Variants in GLRX3 observed in about 807,000 individuals in gnomAD.
The protein encoded by GLRX3 is glutaredoxin 3.
In GLRX3, 22 loss-of-function variants were observed where a neutral mutation model predicts 49.5. The ratio of observed to expected loss-of-function variants is 0.44; its 90% CI spans 0.32 to 0.63. The LOEUF (loss-of-function observed/expected upper bound fraction) is 0.63. Among genes scored for constraint, GLRX3 ranks in the 30% least tolerant of loss-of-function variants. The pLI is 0.05. For missense variants in GLRX3, 385 were observed against 396.3 expected (o/e 0.97, Z 0.24); for synonymous variants, 133 against 140.0 (o/e 0.95, Z 0.35).
intron 2 of GLRX3, among the ~76,000 whole-genome samples, chr10:130,155,990 C>T (rs68037982): frequency 0.27 from 40,616 of 152,092 alleles, 5,444 homozygotes; most frequent in South Asian, 0.35. Flanking sequence ...GACAGGGCAG[C>T]AGCCATGAAG....
chr10:130,140,070 C>T (rs553548167), intron 1 of GLRX3, among the ~76,000 whole-genome samples: 2 of 152,288 alleles, frequency 1.3e-5, no homozygotes, highest in African/African-American at 4.8e-5. Flanking sequence ...CAGATATTTA[C>T]ATAAGTTGCT....
intron 2 of GLRX3, among the ~76,000 whole-genome samples, chr10:130,149,071 A>G (rs2134882002): frequency 6.6e-6 from 1 of 152,162 alleles, no homozygotes; most frequent in East Asian, 1.9e-4. Context: ...AAAAAAAATT[A>G]AAAAGTGCAT....
chr10:130,154,096 C>T (rs10829694), intron 2 of GLRX3, among the ~76,000 whole-genome samples: 32,111 of 152,214 alleles, frequency 0.21, 3,480 homozygotes, highest in Middle Eastern at 0.28. Flanking sequence ...CAGACTGCTG[C>T]GCTGGCAGCG....
intron 1 of GLRX3, among the ~76,000 whole-genome samples, 200 bp downstream of exon 1, chr10:130,136,712 G>T (rs2134859975): frequency 6.6e-6 from 1 of 152,278 alleles, no homozygotes; most frequent in Admixed American, 6.5e-5. Flanking sequence ...TCCCCGCCCC[G>T]GAACAGCGAG....
rs200216097 is a variant in GLRX3 at position 130,160,017 on chromosome 10, A to G, written c.224A>G (p.Glu75Gly). The change falls in exon 3 of 11, where the codon GAA (glutamate) becomes GGA (glycine). Residue 75 changes from glutamate (E) to glycine (G), a missense_variant. Glu to Gly is a moderately conservative substitution (Grantham distance 98). Transcript: ENST00000331244. ...AAGTTGGAAGCTGAAGGTGTTCCTG[A>G]AGTATCTGAAAAATATGAAATTAGC... Reference protein sequence around the residue: ...FVKLEAEGVPEVSEKYEISSV... With the variant: ...FVKLEAEGVPGVSEKYEISSV... 44 of 1,597,502 alleles carry G rather than the reference A, an allele frequency of 2.8e-5. No individual in the cohort carries two copies. The East Asian group carries it at 9.1e-4, about 33-fold the overall frequency.
intron 4 of GLRX3, among the ~76,000 whole-genome samples, chr10:130,161,568 C>T (rs146602500): frequency 7.9e-5 from 12 of 152,208 alleles, no homozygotes; most frequent in Admixed American, 3.3e-4. Flanking sequence ...GGAAAGATTC[C>T]GAATTCTTGG....
At chr10:130,153,995 TGCCTACTCAAGCCTCAGCAATG>T (rs1312980456) in intron 2 of GLRX3, among the ~76,000 whole-genome samples, 1 of 152,166 alleles carries the variant, frequency 6.6e-6, no homozygotes, top group Non-Finnish European at 1.5e-5. Flanking sequence ...AGCATAGAAC[TGCCTACTCAAGCCTCAGCAATG>T]GCCTACTCAA....
chr10:130,172,577 T>A (rs564813253), intron 8 of GLRX3, among the ~76,000 whole-genome samples: 40 of 152,252 alleles, frequency 2.6e-4, no homozygotes, highest in Non-Finnish European at 5.1e-4. Context: ...TTTCAAGTAA[T>A]CTTTGATATA....
chr10:130,157,875 A>G (rs1862506810), intron 2 of GLRX3, among the ~76,000 whole-genome samples: 2 of 152,110 alleles, frequency 1.3e-5, no homozygotes, highest in Non-Finnish European at 2.9e-5. Flanking sequence ...AAATATTTAT[A>G]TATTTATTTT....
In GLRX3 at chr10:130,166,497, T is replaced by C. The variant is rs1374886284; in HGVS notation, c.479-10T>C. 5.0e-6 allele frequency: 8 copies of C among 1,607,744 alleles called. No individual in the cohort carries two copies. The highest frequency in any genetic ancestry group is 6.8e-6 in the Non-Finnish European group (8 of 1,174,886). On this transcript the variant is annotated splice_polypyrimidine_tract_variant and intron_variant, in intron 4 of 10. Coordinates refer to ENST00000331244, the MANE Select transcript of GLRX3 (RefSeq NM_006541.5). ...GAAGTTAAGTGCTTTATTTCTTTTT[T>C]TGTGTACAGGTTTCAGCAAGCAGAT... is the stretch of plus-strand genomic sequence containing the variant.
intron 8 of GLRX3, among the ~76,000 whole-genome samples, chr10:130,172,889 G>A (rs946288074): frequency 2.6e-5 from 4 of 152,286 alleles, no homozygotes; most frequent in East Asian, 1.9e-4. Flanking sequence ...GTTTCAGTGA[G>A]CTGAAACCAC....
chr10:130,153,940 G>A (rs1009582269), intron 2 of GLRX3, among the ~76,000 whole-genome samples: 1 of 152,176 alleles, frequency 6.6e-6, no homozygotes, highest in Non-Finnish European at 1.5e-5. Flanking sequence ...AGCTGTGGTG[G>A]GCTTCACCCA....
chr10:130,159,805 T>C, intron 2 of GLRX3, 190 bp from the exon 3 acceptor site: 1 of 1,350,254 alleles, frequency 7.4e-7, no homozygotes, highest in Non-Finnish European at 9.6e-7. Context: ...GTTTTGACAC[T>C]GCAAACTCAG....
At position 130,166,098 on chromosome 10, in the gene GLRX3, G is replaced by T. The variant is rs531684451; in HGVS notation, c.479-409G>T. On this transcript the variant is annotated intron_variant, in intron 4 of 10. Coordinates refer to ENST00000331244, the MANE Select transcript of GLRX3 (RefSeq NM_006541.5). ...CAGCCTCAGACTTCTGGGCTCAAGT[G>T]AGCCTGTTGCCTCAGTTTCCCCAGT... 1.1e-3 allele frequency among the ~76,000 whole-genome samples: 165 copies of T among 152,328 alleles called. 1 individual carries two copies. The highest frequency in any genetic ancestry group is 3.8e-3 in the African/African-American group (156 of 41,574).
At position 130,159,261 on chromosome 10, in the gene GLRX3, C is replaced by A. The variant is rs147280321; in HGVS notation, c.202-734C>A. On this transcript the variant is annotated intron_variant, in intron 2 of 10. Coordinates refer to ENST00000331244, the MANE Select transcript of GLRX3 (RefSeq NM_006541.5). ...CATTTATAAAGACCTACGTAAATAG[C>A]TTACAGTAATTGTGCCCTAATTATT... 2.0e-3 allele frequency among the ~76,000 whole-genome samples: 304 copies of A among 152,266 alleles called. 1 individual carries two copies. Among genetic ancestry groups the A allele is most frequent in the African/African-American group, 7.1e-3 (294 of 41,548 alleles).
intron 8 of GLRX3, among the ~76,000 whole-genome samples, chr10:130,174,116 T>C (rs1862868274): frequency 6.6e-6 from 1 of 152,252 alleles, no homozygotes; most frequent in Admixed American, 6.5e-5. Flanking sequence ...GTACAAGTAA[T>C]GTTCATTGTA....
chr10:130,153,728 T>G (rs1456349583), intron 2 of GLRX3, among the ~76,000 whole-genome samples: 1 of 151,900 alleles, frequency 6.6e-6, no homozygotes, highest in African/African-American at 2.4e-5. Flanking sequence ...TACTGGGAGG[T>G]GTCTCCCAGT....
chr10:130,157,746 C>T (rs1485967198), intron 2 of GLRX3, among the ~76,000 whole-genome samples: 1 of 152,046 alleles, frequency 6.6e-6, no homozygotes, highest in Non-Finnish European at 1.5e-5. Context: ...TCAAAATTGT[C>T]TGTAGGCTAG....
intron 7 of GLRX3, 148 bp from the exon 8 acceptor site, chr10:130,171,435 GA>G (rs996176692): frequency 6.4e-6 from 4 of 625,564 alleles, no homozygotes. Context: ...CGTACTTGAA[GA>G]GGGGATGAGC....
Sources: gnomAD v4.1 joint callset for allele counts (sites outside exome capture counted in the v4.1 genomes callset) on GRCh38, gnomAD v4.1.1 for gene constraint, MANE v1.5 for transcripts, NCBI Gene and HGNC (gene_info 2026-07-23, HGNC 2026-07-21) for gene names.